KIAA1328: variants seen among roughly 807,000 people sequenced by gnomAD.
KIAA1328 encodes protein hinderin.
A neutral mutation model predicts 68.1 loss-of-function variants in KIAA1328; 52 were observed. The ratio of observed to expected loss-of-function variants is 0.76; its 90% confidence interval spans 0.61 to 0.96. The LOEUF is 0.96. Among genes scored for constraint, KIAA1328 ranks in the 40% least tolerant of loss-of-function variants. The probability of loss-of-function intolerance (pLI) is 0.00; values close to 1 mark genes in which losing one functional copy is unlikely to be tolerated. For missense variants in KIAA1328, 641 were observed against 677.6 expected (o/e 0.95, Z 0.60); for synonymous variants, 232 against 239.4 (o/e 0.97, Z 0.28).
At chr18:36,849,902 A>C (rs1471410812) in intron 4 of KIAA1328, among the ~76,000 whole-genome samples, 2 of 152,088 alleles carry the variant, frequency 1.3e-5, no homozygotes, top group Non-Finnish European at 2.9e-5. Flanking sequence ...GTAGATATGC[A>C]GTGGTATCAT....
chr18:36,920,761 C>T (rs1389421952), intron 5 of KIAA1328, among the ~76,000 whole-genome samples: 10 of 152,174 alleles, frequency 6.6e-5, no homozygotes, highest in Admixed American at 6.5e-4. Context: ...CAGCCTTCTG[C>T]TTTCCAGTGT....
intron 4 of KIAA1328, among the ~76,000 whole-genome samples, chr18:36,881,769 G>A (rs925350489): frequency 2.0e-5 from 3 of 152,124 alleles, no homozygotes; most frequent in African/African-American, 7.2e-5. Context: ...TATTCATATG[G>A]TAGGTATCAT....
intron 6 of KIAA1328, among the ~76,000 whole-genome samples, chr18:36,986,272 A>G (rs1403096378): frequency 6.6e-6 from 1 of 152,200 alleles, no homozygotes; most frequent in East Asian, 1.9e-4. Flanking sequence ...AAAAGCAACT[A>G]CTGATACGTT....
chr18:36,830,501 AT>A (rs2046437453), intron 1 of KIAA1328, among the ~76,000 whole-genome samples: 2 of 152,144 alleles, frequency 1.3e-5, no homozygotes, highest in Admixed American at 6.6e-5. Context: ...CATTGACATA[AT>A]TTTGTGATGG....
chr18:37,158,476 G>A (rs903991825), intron 7 of KIAA1328, among the ~76,000 whole-genome samples: 12 of 152,138 alleles, frequency 7.9e-5, no homozygotes, highest in Non-Finnish European at 1.5e-4. Flanking sequence ...GTTTAGAGGA[G>A]GAGTTTGTGA....
chr18:36,853,566 A>G (rs541576446), intron 4 of KIAA1328, among the ~76,000 whole-genome samples: 1 of 152,204 alleles, frequency 6.6e-6, no homozygotes, highest in Non-Finnish European at 1.5e-5. Context: ...TCAATGGCAC[A>G]TTAAAAACTC....
At chr18:37,167,204 G>T (rs1294816662) in intron 8 of KIAA1328, among the ~76,000 whole-genome samples, 1 of 152,180 alleles carries the variant, frequency 6.6e-6, no homozygotes, top group Non-Finnish European at 1.5e-5. Context: ...GTGTCTAGGG[G>T]TAGATGTTTA....
intron 5 of KIAA1328, among the ~76,000 whole-genome samples, chr18:36,892,743 T>C (rs1235861701): frequency 6.6e-6 from 1 of 152,184 alleles, no homozygotes; most frequent in Non-Finnish European, 1.5e-5. Context: ...TATATCAGAC[T>C]AACAGTTTGA....
intron 6 of KIAA1328, 71 bp from the exon 7 acceptor site, chr18:37,066,819 C>A: frequency 7.2e-7 from 1 of 1,380,556 alleles, no homozygotes; most frequent in Non-Finnish European, 9.7e-7. Flanking sequence ...TCACTGATTT[C>A]TGAAAAACCA....
At chr18:36,955,125 T>A (rs2051351650) in intron 5 of KIAA1328, among the ~76,000 whole-genome samples, 1 of 138,814 alleles carries the variant, frequency 7.2e-6, no homozygotes, top group Admixed American at 8.3e-5. Context: ...AGGCATCCCC[T>A]TAAGGCTATC....
chr18:37,047,167 A>T (rs1463229436), intron 6 of KIAA1328, among the ~76,000 whole-genome samples: 2 of 152,218 alleles, frequency 1.3e-5, no homozygotes, highest in Non-Finnish European at 2.9e-5. Context: ...AGATTGTTCA[A>T]TATAACTTGC....
chr18:36,903,984 G>C (rs2049127929), intron 5 of KIAA1328, among the ~76,000 whole-genome samples: 1 of 152,074 alleles, frequency 6.6e-6, no homozygotes, highest in Non-Finnish European at 1.5e-5. Flanking sequence ...AAGATCCCCA[G>C]GTGATCTGTA....
At chr18:37,124,044 A>G (rs972223464) in intron 7 of KIAA1328, among the ~76,000 whole-genome samples, 1 of 152,210 alleles carries the variant, frequency 6.6e-6, no homozygotes, top group African/African-American at 2.4e-5. Context: ...CATTAATTCC[A>G]AACATGATGG....
chr18:37,155,942 T>A (rs2059142250), intron 7 of KIAA1328, among the ~76,000 whole-genome samples: 1 of 152,114 alleles, frequency 6.6e-6, no homozygotes, highest in Non-Finnish European at 1.5e-5. Flanking sequence ...TCTTTCAAGG[T>A]TAAGTTTGAG....
chr18:36,900,771 A>G (rs2049011424), intron 5 of KIAA1328, among the ~76,000 whole-genome samples: 1 of 151,974 alleles, frequency 6.6e-6, no homozygotes. Flanking sequence ...CTTATTTGAC[A>G]TCGTTAAATT....
At chr18:37,095,182 C>T (rs1029874650) in intron 7 of KIAA1328, among the ~76,000 whole-genome samples, 1 of 152,172 alleles carries the variant, frequency 6.6e-6, no homozygotes, top group African/African-American at 2.4e-5. Flanking sequence ...ATCATCTAGG[C>T]AGAAAATCAA....
chr18:37,002,109 C>A (rs982079341), intron 6 of KIAA1328, among the ~76,000 whole-genome samples: 1 of 151,962 alleles, frequency 6.6e-6, no homozygotes, highest in Non-Finnish European at 1.5e-5. Context: ...CTGGAACAAC[C>A]TGAAGACTCC....
chr18:37,056,719 C>T (rs1364713686), intron 6 of KIAA1328, among the ~76,000 whole-genome samples: 1 of 151,186 alleles, frequency 6.6e-6, no homozygotes, highest in African/African-American at 2.4e-5. Context: ...AGTGTGATCT[C>T]GGCTCACTGC....
intron 9 of KIAA1328, among the ~76,000 whole-genome samples, chr18:37,202,597 C>T (rs984482990): frequency 1.3e-5 from 2 of 152,014 alleles, no homozygotes; most frequent in Admixed American, 6.6e-5. Flanking sequence ...TTAGAGTAGC[C>T]GTGGTTAAAG....
Sources: gnomAD v4.1 joint callset for allele counts (sites outside exome capture counted in the v4.1 genomes callset) on GRCh38, gnomAD v4.1.1 for gene constraint, MANE v1.5 for transcripts, NCBI Gene and HGNC (gene_info 2026-07-23, HGNC 2026-07-21) for gene names.